The following MAP7D2 variants were observed in gnomAD, a reference collection of about 807,000 sequenced individuals.
MAP7D2 encodes the protein MAP7 domain-containing protein 2.
Under a neutral mutation model 63.5 loss-of-function variants are expected in MAP7D2, and 33 were observed. The ratio of observed to expected loss-of-function variants is 0.52; its 90% confidence interval spans 0.39 to 0.70. The LOEUF (loss-of-function observed/expected upper bound fraction) is 0.70, where lower values mean the gene tolerates loss of function less well. Among genes scored for constraint, MAP7D2 ranks in the 30% least tolerant of loss-of-function variants. The pLI, the probability that MAP7D2 is intolerant of heterozygous loss-of-function variation, is 0.00. For missense variants in MAP7D2, 626 were observed against 604.0 expected (o/e 1.04, Z -0.38); for synonymous variants, 224 against 223.7 (o/e 1.00, Z -0.01).
At chrX:20,087,200 G>A (rs1357301079) in intron 1 of MAP7D2, among the ~76,000 whole-genome samples, 1 of 112,262 alleles carries the variant, frequency 8.9e-6, no homozygotes, top group African/African-American at 3.2e-5. Context: ...TAACACATAT[G>A]CTATAGTCTG....
At chrX:20,104,923 G>GA (rs1317981873) in intron 1 of MAP7D2, among the ~76,000 whole-genome samples, 1 of 112,411 alleles carries the variant, frequency 8.9e-6, no homozygotes, top group Non-Finnish European at 1.9e-5. Flanking sequence ...ATGTAGTGCT[G>GA]AAAACGCGCT....
rs761424433 is a variant in MAP7D2 at position 20,015,331 on chromosome X, A to G, written c.1645-4T>C. ...CCTTTGTTTCTGCTGCTTCTTTCTAACAGAAACAGGTAAATCAAGGCAAAG... is the reference window on the plus strand; with the variant it reads ...CCTTTGTTTCTGCTGCTTCTTTCTAGCAGAAACAGGTAAATCAAGGCAAAG... On this transcript the variant is annotated splice_region_variant and splice_polypyrimidine_tract_variant and intron_variant, in intron 11 of 16. Coordinates refer to ENST00000379643, the MANE Select transcript of MAP7D2 (RefSeq NM_001168465.2). The G allele has an allele frequency of 3.1e-5, 37 of 1,192,450 alleles. No homozygotes were observed. The highest frequency in any genetic ancestry group is 4.1e-5 in the Non-Finnish European group (36 of 879,749).
intron 6 of MAP7D2, among the ~76,000 whole-genome samples, chrX:20,045,103 G>C (rs1023895790): frequency 1.8e-5 from 2 of 111,298 alleles, no homozygotes. Context: ...CAACTTCCCA[G>C]CCTGGCAACA....
In MAP7D2 at chrX:20,063,595, AAG is replaced by A; in HGVS notation, c.209-20_209-19del. 8.3e-7 allele frequency: 1 copy of A among 1,206,823 alleles called. No homozygotes were observed. Among genetic ancestry groups the A allele is most frequent in the Non-Finnish European group, 1.1e-6 (1 of 892,727 alleles). Reference sequence around the variant, plus strand: ...CCGAGCAGCTGGGGAAGGAAAGTAGAAGAGAGGTGTCATTACCAGAGCATCCC... The same window carrying A: ...CCGAGCAGCTGGGGAAGGAAAGTAGAAGAGGTGTCATTACCAGAGCATCCC... On this transcript the variant is annotated intron_variant, in intron 2 of 16. Coordinates refer to ENST00000379643, the MANE Select transcript of MAP7D2 (RefSeq NM_001168465.2).
At chrX:20,073,859 G>A (rs1243189582) in intron 1 of MAP7D2, among the ~76,000 whole-genome samples, 1 of 101,285 alleles carries the variant, frequency 9.9e-6, no homozygotes, top group Admixed American at 1.0e-4. Flanking sequence ...CCCACCGGCC[G>A]GGCGCGGTGG....
At chrX:20,086,696 A>G (rs2065918959) in intron 1 of MAP7D2, among the ~76,000 whole-genome samples, 1 of 111,887 alleles carries the variant, frequency 8.9e-6, no homozygotes, top group Admixed American at 9.5e-5. Context: ...AAATAATGAT[A>G]ATGAGGATAG....
intron 1 of MAP7D2, among the ~76,000 whole-genome samples, chrX:20,078,493 C>A (rs1056691215): frequency 7.1e-5 from 8 of 112,193 alleles, no homozygotes; most frequent in African/African-American, 2.6e-4. Context: ...GTAGCTATTC[C>A]TACTGGGAAG....
chrX:20,054,623 G>A (rs1015806464), intron 4 of MAP7D2, among the ~76,000 whole-genome samples: 3 of 109,095 alleles, frequency 2.7e-5, no homozygotes, highest in Admixed American at 9.8e-5. Context: ...GTCTTGCTCC[G>A]TTGCCCAGGC....
intron 10 of MAP7D2, among the ~76,000 whole-genome samples, chrX:20,019,188 G>C (rs2073543338): frequency 9.1e-6 from 1 of 110,281 alleles, no homozygotes; most frequent in Admixed American, 9.6e-5. Flanking sequence ...ACCATGCCTG[G>C]ATCATTTTTG....
intron 8 of MAP7D2, among the ~76,000 whole-genome samples, chrX:20,030,196 C>T (rs2074003506): frequency 8.9e-6 from 1 of 112,144 alleles, no homozygotes; most frequent in Non-Finnish European, 1.9e-5. Context: ...CCACAGTAAT[C>T]CAGTGAGGTA....
At chrX:20,090,207 G>C (rs1486339688) in intron 1 of MAP7D2, among the ~76,000 whole-genome samples, 2 of 109,676 alleles carry the variant, frequency 1.8e-5, no homozygotes, top group Non-Finnish European at 3.8e-5. Flanking sequence ...ATTAGTTGCC[G>C]AATCCGGCCG....
At chrX:20,088,695 A>C (rs1166431164) in intron 1 of MAP7D2, among the ~76,000 whole-genome samples, 1 of 108,515 alleles carries the variant, frequency 9.2e-6, no homozygotes, top group Non-Finnish European at 1.9e-5. Flanking sequence ...TTTTAATTTT[A>C]ATGGTGTCTT....
chrX:20,094,501 T>C lies in MAP7D2; in HGVS notation c.130+22249A>G, dbSNP rs1439859279. On this transcript the variant is annotated intron_variant, in intron 1 of 16. Transcript: ENST00000379643. ...AAAAATACATACATATATATATATA[T>C]ATATATATATATATGTATATATATA... Among the ~76,000 whole-genome samples the C allele has an allele frequency of 7.0e-3, 135 of 19,266 alleles. 5 individuals carry two copies. The highest frequency in any genetic ancestry group is 0.024 in the African/African-American group (120 of 5,004). 16.7% of individuals were successfully genotyped at this position (19,266 alleles called of 115,157 possible).
At chrX:20,070,881 T>C (rs184641534) in intron 1 of MAP7D2, among the ~76,000 whole-genome samples, 28 of 112,617 alleles carry the variant, frequency 2.5e-4, no homozygotes, top group African/African-American at 9.0e-4. Flanking sequence ...AGAATATTAA[T>C]GACCTGATAT....
intron 3 of MAP7D2, among the ~76,000 whole-genome samples, chrX:20,062,835 A>G (rs112978321): frequency 7.1e-5 from 8 of 112,275 alleles, no homozygotes; most frequent in African/African-American, 2.3e-4. Context: ...GCGAAGAACT[A>G]CATTAAACTT....
chrX:20,032,021 G>A (rs1414915195), intron 8 of MAP7D2, among the ~76,000 whole-genome samples: 1 of 111,515 alleles, frequency 9.0e-6, no homozygotes, highest in African/African-American at 3.3e-5. Context: ...GGGTGATAGG[G>A]GATGGGAAGG....
Position 20,013,681 on chromosome X carries a change from A to T in MAP7D2, c.1750-56T>A. 4.6e-6 allele frequency: 4 copies of T among 865,204 alleles called. No homozygotes were observed. In the South Asian group the frequency reaches 9.3e-5, roughly 20 times the overall value. The allele number at this position is 865,204 out of a possible 1,213,427, so 71.3% of individuals were successfully genotyped here. A position where few individuals can be genotyped will look rare whatever the true frequency, so the allele number is the denominator to read the frequency against. On this transcript the variant is annotated intron_variant, in intron 12 of 16. Transcript: ENST00000379643. Reference sequence around the variant, plus strand: ...GTAAGAGGACAATAAGACCAAAAACATAAAAGTAGCTTGGTTTACATGCAA... The same window carrying T: ...GTAAGAGGACAATAAGACCAAAAACTTAAAAGTAGCTTGGTTTACATGCAA...
chrX:20,012,999 C>G (rs2073253709), intron 14 of MAP7D2, 55 bp downstream of exon 14: 1 of 1,032,383 alleles, frequency 9.7e-7, no homozygotes, highest in Non-Finnish European at 1.4e-6. Context: ...TACACCAAGT[C>G]TTACGAGCTT....
intron 1 of MAP7D2, among the ~76,000 whole-genome samples, chrX:20,102,383 A>T (rs1241229897): frequency 9.0e-6 from 1 of 110,845 alleles, no homozygotes; most frequent in Non-Finnish European, 1.9e-5. Context: ...CACAGAGAGG[A>T]AAAGAATTCC....
Sources: allele counts gnomAD v4.1 joint callset (sites outside exome capture counted in the v4.1 genomes callset), GRCh38; gene constraint gnomAD v4.1.1; transcripts MANE v1.5; gene names NCBI Gene and HGNC (gene_info 2026-07-23, HGNC 2026-07-21).